GTPBP8: variants seen among roughly 807,000 people sequenced by gnomAD.
GTPBP8 encodes the protein GTP-binding protein 8.
Under a neutral mutation model 27.3 loss-of-function variants are expected in GTPBP8, and 21 were observed. The ratio of observed to expected loss-of-function variants is 0.77; its 90% CI spans 0.55 to 1.11. GTPBP8 has a LOEUF of 1.11. Ranked by LOEUF, GTPBP8 falls within the 50% of genes least tolerant of loss-of-function variation. The pLI is 0.00. For missense variants in GTPBP8, 380 were observed against 350.8 expected (o/e 1.08, Z -0.67); for synonymous variants, 147 against 135.3 (o/e 1.09, Z -0.60).
chr3:112,993,191 G>A (rs1933718135), intron 2 of GTPBP8, 67 bp downstream of exon 2: 1 of 823,248 alleles, frequency 1.2e-6, no homozygotes, highest in South Asian at 1.5e-5. Flanking sequence ...AATAAATGCT[G>A]GAAGGTATAA....
At chr3:112,995,974 CCTT>C (rs1221350050) in intron 3 of GTPBP8, among the ~76,000 whole-genome samples, 2 of 151,956 alleles carry the variant, frequency 1.3e-5, no homozygotes, top group African/African-American at 4.8e-5. Context: ...TTTTTTGTCT[CCTT>C]ATGTAATCAA....
rs777470032 is a variant in GTPBP8, at chr3:112,999,557, C to G, written c.778C>G (p.Pro260Ala). The change falls in exon 5 of 6, where the codon CCT becomes GCT. Residue 260 changes from proline (P) to alanine (A), a missense_variant. Physicochemically the swap from Pro to Ala is conservative, Grantham distance 27. Coordinates refer to ENST00000383678, the MANE Select transcript of GTPBP8 (RefSeq NM_014170.4). ...TCAAGGATGTTTTCCTCAGTTGTTT[C>G]CTGTAAGGTAAGAGTTGAATTGTTT... The part of the protein sequence containing the change: ...KTQGCFPQLF[P>A]VSAVTFSGIH... 4.0e-6 allele frequency: 5 copies of G among 1,241,526 alleles called. No homozygotes were observed. In the South Asian group the frequency reaches 4.5e-5, roughly 11 times the overall value. The allele number at this position is 1,241,526 out of a possible 1,614,324, so 76.9% of individuals were successfully genotyped here. A position where few individuals can be genotyped will look rare whatever the true frequency, so the allele number is the denominator to read the frequency against.
At chr3:112,991,404 G>C (rs758449750) in intron 1 of GTPBP8, 69 bp downstream of exon 1, 3 of 1,411,416 alleles carry the variant, frequency 2.1e-6, no homozygotes, top group Admixed American at 1.7e-5. Context: ...CTGGCCGTCC[G>C]GCTCGCGGGT....
chr3:112,991,154 A>T lies in GTPBP8; in HGVS notation c.155A>T (p.Gln52Leu). 6.2e-7 allele frequency: 1 copy of T among 1,614,134 alleles called. No homozygotes were observed. Among genetic ancestry groups the T allele is most frequent in the Non-Finnish European group, 8.5e-7 (1 of 1,180,032 alleles). Residue 52 changes from glutamine to leucine, a missense_variant, in exon 1 of 6, where the codon CAG becomes CTG. Transcript: ENST00000383678. Reference sequence around the variant, plus strand: ...CTGAGGAAGCTGCTGTACCCGCTGCAGGAAGTAGAGCGGTTCCTCGCCCCC... The same window carrying T: ...CTGAGGAAGCTGCTGTACCCGCTGCTGGAAGTAGAGCGGTTCCTCGCCCCC... ...QQLRKLLYPL[Q>L]EVERFLAPYG...
At chr3:112,998,745 G>A (rs140938912) in intron 4 of GTPBP8, among the ~76,000 whole-genome samples, 48 of 152,278 alleles carry the variant, frequency 3.2e-4, no homozygotes, top group Admixed American at 2.7e-3. Flanking sequence ...TGGGAGTTAT[G>A]AGAAAGGAAC....
intron 3 of GTPBP8, among the ~76,000 whole-genome samples, chr3:112,995,657 C>T (rs935519943): frequency 6.6e-6 from 1 of 152,014 alleles, no homozygotes; most frequent in African/African-American, 2.4e-5. Context: ...CCGCCTCAGC[C>T]TCCTGAGTAG....
At chr3:112,991,965 T>C (rs1050340770) in intron 1 of GTPBP8, 2 of 223,960 alleles carry the variant, frequency 8.9e-6, no homozygotes, top group Non-Finnish European at 1.8e-5. Context: ...TTTATTGATA[T>C]TCTGTTCTAA....
intron 1 of GTPBP8, chr3:112,991,640 GA>G: frequency 1.8e-6 from 1 of 569,448 alleles, no homozygotes; most frequent in Non-Finnish European, 3.3e-6. Flanking sequence ...AATGAATATA[GA>G]AGACTTCAAA....
chr3:112,995,305 C>T, intron 3 of GTPBP8, 40 bp downstream of exon 3: 1 of 1,397,758 alleles, frequency 7.2e-7, no homozygotes, highest in Non-Finnish European at 9.9e-7. Flanking sequence ...TACATTTAAC[C>T]CCAAAGCATG....
intron 1 of GTPBP8, 122 bp from the exon 2 acceptor site, chr3:112,992,904 G>A (rs1413333198): frequency 3.8e-5 from 22 of 574,922 alleles, no homozygotes; most frequent in Non-Finnish European, 5.9e-5. Context: ...GCTTAAAATA[G>A]TACCTGGCAC....
intron 1 of GTPBP8, 138 bp downstream of exon 1, chr3:112,991,473 G>T: frequency 6.3e-6 from 5 of 789,200 alleles, no homozygotes; most frequent in Non-Finnish European, 1.1e-5. Context: ...TAACTCAATA[G>T]GCATATGTCG....
At chr3:112,991,369 C>T (rs764455070) in intron 1 of GTPBP8, 34 bp downstream of exon 1, 3 of 1,591,420 alleles carry the variant, frequency 1.9e-6, no homozygotes, top group Non-Finnish European at 2.6e-6. Context: ...ACCTGCGCGC[C>T]GGCGTCACAG....
intron 1 of GTPBP8, chr3:112,992,211 G>A (rs1173471504): frequency 6.6e-6 from 1 of 152,098 alleles, no homozygotes; most frequent in Non-Finnish European, 1.5e-5. Flanking sequence ...GATTTGCTCT[G>A]GCAGAGCATT....
rs1208699031 is a variant in GTPBP8 at position 112,993,026 on chromosome 3, G to A, written c.337G>A (p.Val113Met). 1 of 1,563,816 alleles carries A rather than the reference G, an allele frequency of 6.4e-7. No individual in the cohort carries two copies. Among genetic ancestry groups the A allele is most frequent in the Non-Finnish European group, 8.8e-7 (1 of 1,135,362 alleles). Residue 113 changes from valine to methionine, a missense_variant and splice_region_variant, in exon 2 of 6, where the codon GTG becomes ATG. Transcript: ENST00000383678. ...DHAPDLPRPEVCFIGRSNVGK... is the reference protein window; with the variant it reads ...DHAPDLPRPEMCFIGRSNVGK... ...CTTATCTTGTTTTTTCTTGTATAAGGTGTGTTTTATAGGCAGAAGCAATGT... is the reference window on the plus strand; with the variant it reads ...CTTATCTTGTTTTTTCTTGTATAAGATGTGTTTTATAGGCAGAAGCAATGT...
rs73857311 is a variant in GTPBP8 at position 112,997,333 on chromosome 3, G to A, written c.666+342G>A. Among the ~76,000 whole-genome samples, 1,136 of 152,262 alleles carry A rather than the reference G, an allele frequency of 7.5e-3. 20 individuals carry two copies. Among genetic ancestry groups the A allele is most frequent in the African/African-American group, 0.026 (1,061 of 41,548 alleles). Reference sequence around the variant, plus strand: ...AAGTTAGTAGCTCTTTAACAGCAGCGTGGCAGATAGTACTTATAAGAATGT... The same window carrying A: ...AAGTTAGTAGCTCTTTAACAGCAGCATGGCAGATAGTACTTATAAGAATGT... On this transcript the variant is annotated intron_variant, in intron 4 of 5. Coordinates refer to ENST00000383678, the MANE Select transcript of GTPBP8 (RefSeq NM_014170.4).
chr3:113,000,873 A>T lies in GTPBP8; in HGVS notation c.809A>T (p.His270Leu). The change falls in exon 6 of 6, where the codon CAC becomes CTC. Residue 270 changes from histidine (H) to leucine (L), a missense_variant. Coordinates refer to ENST00000383678, the MANE Select transcript of GTPBP8 (RefSeq NM_014170.4). ...PVSAVTFSGI[H>L]LLRCFIASVT... ...AGTGCTGTGACCTTTTCTGGAATCC[A>T]CCTGTTGAGATGCTTTATAGCCAGT... 1 of 1,601,454 alleles carries T rather than the reference A, an allele frequency of 6.2e-7. No individual in the cohort carries two copies. Among genetic ancestry groups the T allele is most frequent in the South Asian group, 1.1e-5 (1 of 90,566 alleles).
intron 1 of GTPBP8, chr3:112,991,994 C>T (rs1933690789): frequency 5.3e-6 from 1 of 187,934 alleles, no homozygotes; most frequent in Non-Finnish European, 1.1e-5. Flanking sequence ...AAAGGCATCT[C>T]AACTCTCCAT....
In GTPBP8 at chr3:112,991,019, G is replaced by T; in HGVS notation, c.20G>T (p.Arg7Leu). 6.3e-7 allele frequency: 1 copy of T among 1,595,736 alleles called. No homozygotes were observed. Among genetic ancestry groups the T allele is most frequent in the Non-Finnish European group, 8.6e-7 (1 of 1,167,752 alleles). Residue 7 changes from arginine to leucine, a missense_variant, in exon 1 of 6, where the codon CGG becomes CTG. By Grantham distance (102) the Arg-to-Leu change is moderately radical. Coordinates refer to ENST00000383678, the MANE Select transcript of GTPBP8 (RefSeq NM_014170.4). MAAPGLRLGAGRLFEMP... is the reference protein window; with the variant it reads MAAPGLLLGAGRLFEMP... ...GGGAGAATGGCGGCGCCCGGGCTGC[G>T]GCTGGGAGCGGGAAGACTCTTTGAA...
At chr3:112,995,107 G>C (rs1467687214) in intron 2 of GTPBP8, 28 bp from the exon 3 acceptor site, 1 of 1,535,956 alleles carries the variant, frequency 6.5e-7, no homozygotes, top group Non-Finnish European at 8.8e-7. Flanking sequence ...TCTTAAGACA[G>C]CTTTTCTTTT....
Sources: allele counts gnomAD v4.1 joint callset (sites outside exome capture counted in the v4.1 genomes callset), GRCh38; gene constraint gnomAD v4.1.1; transcripts MANE v1.5; gene names NCBI Gene and HGNC (gene_info 2026-07-23, HGNC 2026-07-21).